ABI2: variants seen among roughly 807,000 people sequenced by gnomAD.
ABI2 encodes the protein abl interactor 2.
In ABI2, 25 loss-of-function variants were observed where a neutral mutation model predicts 59.2. The ratio of observed to expected loss-of-function variants is 0.42; its 90% CI spans 0.31 to 0.59. ABI2 has a LOEUF of 0.59. Among genes scored for constraint, ABI2 ranks in the 20% least tolerant of loss-of-function variants. The pLI is 0.14. For missense variants in ABI2, 545 were observed against 681.8 expected (o/e 0.80, Z 2.23); for synonymous variants, 213 against 235.5 (o/e 0.90, Z 0.87).
chr2:203,381,984 T>C (rs2096161796), intron 3 of ABI2, among the ~76,000 whole-genome samples: 1 of 152,212 alleles, frequency 6.6e-6, no homozygotes, highest in East Asian at 1.9e-4. Context: ...TAAAACAGTA[T>C]CTTAAATTCA....
At chr2:203,369,981 A>G (rs898656200) in intron 2 of ABI2, among the ~76,000 whole-genome samples, 3 of 152,064 alleles carry the variant, frequency 2.0e-5, no homozygotes, top group African/African-American at 7.2e-5. Context: ...TATCAAAACT[A>G]TTTGATATTC....
At chr2:203,403,571 A>G (rs182902730) in intron 9 of ABI2, among the ~76,000 whole-genome samples, 120 of 152,182 alleles carry the variant, frequency 7.9e-4, no homozygotes, top group African/African-American at 2.7e-3. Flanking sequence ...TAAACACTTA[A>G]TTTAAATAAT....
At chr2:203,397,011 G>T (rs747306354) in intron 8 of ABI2, 44 bp downstream of exon 8, 238 of 1,334,588 alleles carry the variant, frequency 1.8e-4, no homozygotes, top group Non-Finnish European at 2.2e-4. Context: ...CAGTCATCTG[G>T]CTATTCTCTT....
At chr2:203,334,174 C>T (rs2075361011) in intron 1 of ABI2, among the ~76,000 whole-genome samples, 1 of 152,048 alleles carries the variant, frequency 6.6e-6, no homozygotes, top group Non-Finnish European at 1.5e-5. Context: ...TTCCTGACCT[C>T]AAGTGATCCA....
At chr2:203,405,489 T>G (rs189028861) in intron 9 of ABI2, among the ~76,000 whole-genome samples, 1 of 152,130 alleles carries the variant, frequency 6.6e-6, no homozygotes, top group Non-Finnish European at 1.5e-5. Flanking sequence ...GATGGAAGTT[T>G]CAGTGAGCCG....
At chr2:203,352,740 TAC>T (rs1170739180) in intron 1 of ABI2, among the ~76,000 whole-genome samples, 4 of 152,238 alleles carry the variant, frequency 2.6e-5, no homozygotes, top group African/African-American at 9.6e-5. Flanking sequence ...AGCATAAATC[TAC>T]AGTGTTTTTA....
chr2:203,358,071 T>TTGTGTGTG (rs71007506), intron 1 of ABI2, among the ~76,000 whole-genome samples: 4,095 of 128,712 alleles, frequency 0.032, 145 homozygotes, highest in African/African-American at 0.093. Flanking sequence ...CCTGGCCTGT[T>TTGTGTGTG]TGTGTGTGTG....
chr2:203,336,182 A>T (rs557024107), intron 1 of ABI2, among the ~76,000 whole-genome samples: 2 of 152,330 alleles, frequency 1.3e-5, no homozygotes, highest in South Asian at 4.1e-4. Flanking sequence ...AAGAATCATA[A>T]TTTGTTCATC....
intron 1 of ABI2, among the ~76,000 whole-genome samples, chr2:203,352,183 G>A (rs949573541): frequency 2.0e-5 from 3 of 152,158 alleles, no homozygotes; most frequent in Non-Finnish European, 4.4e-5. Context: ...AGGCTGGGTG[G>A]GGTGCTGCCC....
intron 1 of ABI2, among the ~76,000 whole-genome samples, chr2:203,355,574 A>C (rs1427953919): frequency 6.6e-6 from 1 of 152,030 alleles, no homozygotes; most frequent in East Asian, 1.9e-4. Context: ...TCATGCCTGT[A>C]ATCCCAGCAC....
At chr2:203,348,813 A>C (rs1204421529) in intron 1 of ABI2, among the ~76,000 whole-genome samples, 2 of 151,488 alleles carry the variant, frequency 1.3e-5, no homozygotes, top group Admixed American at 1.3e-4. Flanking sequence ...ATAATTGATG[A>C]ATCTACACAT....
chr2:203,340,824 GA>G (rs141648538), intron 1 of ABI2, among the ~76,000 whole-genome samples: 9 of 147,420 alleles, frequency 6.1e-5, no homozygotes, highest in East Asian at 2.0e-4. Context: ...CAGCAAAGCT[GA>G]AAAAAAAAAC....
At chr2:203,329,899 G>T (rs1168151405) in intron 1 of ABI2, among the ~76,000 whole-genome samples, 1 of 151,920 alleles carries the variant, frequency 6.6e-6, no homozygotes, top group African/African-American at 2.4e-5. Flanking sequence ...ACCACAGCCG[G>T]CTAATTTTTG....
At chr2:203,425,195 T>TA (rs2098390271) in intron 11 of ABI2, among the ~76,000 whole-genome samples, 3 of 152,174 alleles carry the variant, frequency 2.0e-5, no homozygotes, top group South Asian at 2.1e-4. Flanking sequence ...TCTTCTGAAT[T>TA]ACTTTTCATG....
intron 1 of ABI2, among the ~76,000 whole-genome samples, chr2:203,343,361 C>A (rs981682190): frequency 1.3e-5 from 2 of 151,958 alleles, no homozygotes; most frequent in Non-Finnish European, 2.9e-5. Flanking sequence ...GACTATGTCT[C>A]AAAAAACATA....
intron 4 of ABI2, among the ~76,000 whole-genome samples, chr2:203,390,120 A>C (rs1393243406): frequency 2.6e-5 from 4 of 152,242 alleles, no homozygotes; most frequent in African/African-American, 9.6e-5. Flanking sequence ...GTTTAGGAAC[A>C]TGGCTTGAAC....
At chr2:203,410,231 A>C (rs2097601161) in intron 9 of ABI2, among the ~76,000 whole-genome samples, 1 of 152,194 alleles carries the variant, frequency 6.6e-6, no homozygotes, top group Non-Finnish European at 1.5e-5. Flanking sequence ...TAAGATTATC[A>C]TGTATTCTTC....
chr2:203,361,571 A>G (rs1439484150), intron 1 of ABI2, among the ~76,000 whole-genome samples: 3 of 152,276 alleles, frequency 2.0e-5, no homozygotes, highest in Admixed American at 1.3e-4. Flanking sequence ...AGGAGACAGT[A>G]TAGAAGTTGA....
chr2:203,395,469 A>G (rs2096944113), intron 6 of ABI2, among the ~76,000 whole-genome samples, 187 bp from the exon 7 acceptor site: 1 of 150,456 alleles, frequency 6.6e-6, no homozygotes, highest in African/African-American at 2.4e-5. Flanking sequence ...ACACACACAC[A>G]CACACACACA....
Sources: allele counts gnomAD v4.1 joint callset (sites outside exome capture counted in the v4.1 genomes callset), GRCh38; gene constraint gnomAD v4.1.1; transcripts MANE v1.5; gene names NCBI Gene and HGNC (gene_info 2026-07-23, HGNC 2026-07-21).